Variants in FSTL4 observed in about 807,000 individuals in gnomAD.
The protein encoded by FSTL4 is follistatin like 4.
Under a neutral mutation model 78.2 loss-of-function variants are expected in FSTL4, and 28 were observed. The observed-to-expected ratio is 0.36, with a 90% CI of 0.27 to 0.49. The LOEUF (loss-of-function observed/expected upper bound fraction) is 0.49. Among genes scored for constraint, FSTL4 ranks in the 20% least tolerant of loss-of-function variants. FSTL4 has a pLI of 0.98. For missense variants in FSTL4, 922 were observed against 1,084.9 expected (o/e 0.85, Z 2.11); for synonymous variants, 422 against 440.5 (o/e 0.96, Z 0.53).
the FSTL4 span, among the ~76,000 whole-genome samples, chr5:133,712,928 G>GC: frequency 6.6e-6 from 1 of 152,176 alleles, no homozygotes; most frequent in African/African-American, 2.4e-5. Context: ...TCTCTCCCCT[G>GC]CCACGGGATA....
chr5:133,825,358 CAA>C, the FSTL4 span, among the ~76,000 whole-genome samples: 9 of 152,200 alleles, frequency 5.9e-5, no homozygotes, highest in Non-Finnish European at 1.2e-4. Context: ...GAACTCATTT[CAA>C]AGTGTTTCTC....
chr5:133,467,052 G>C (rs1757726112), intron 3 of FSTL4, among the ~76,000 whole-genome samples: 1 of 151,800 alleles, frequency 6.6e-6, no homozygotes, highest in Non-Finnish European at 1.5e-5. Flanking sequence ...GATTGTATGA[G>C]TATATGTATG....
At chr5:133,709,745 A>G in the FSTL4 span, among the ~76,000 whole-genome samples, 10 of 152,228 alleles carry the variant, frequency 6.6e-5, no homozygotes, top group African/African-American at 2.2e-4. Flanking sequence ...GTAAATATTA[A>G]TAGTTTCCAG....
chr5:133,517,437 A>ATATATATATAT (rs1561453724), intron 3 of FSTL4, among the ~76,000 whole-genome samples: 1 of 32,324 alleles, frequency 3.1e-5, no homozygotes, highest in African/African-American at 1.5e-4. Context: ...AAAAAAAAAA[A>ATATATATATAT]AAAAAAAAAA....
intron 4 of FSTL4, among the ~76,000 whole-genome samples, chr5:133,362,905 T>C (rs1322955745): frequency 6.6e-6 from 1 of 152,222 alleles, no homozygotes; most frequent in Admixed American, 6.5e-5. Flanking sequence ...CATTTTAAAA[T>C]TCATTTTTTT....
At chr5:133,558,046 A>T (rs1376138395) in intron 3 of FSTL4, among the ~76,000 whole-genome samples, 1 of 152,142 alleles carries the variant, frequency 6.6e-6, no homozygotes, top group African/African-American at 2.4e-5. Flanking sequence ...TTGCGGACCC[A>T]ACTGAGAGGT....
chr5:133,788,933 T>C, the FSTL4 span, among the ~76,000 whole-genome samples: 1 of 151,952 alleles, frequency 6.6e-6, no homozygotes, highest in Non-Finnish European at 1.5e-5. Context: ...GAAGAAAAAA[T>C]ACATTACGAC....
intron 14 of FSTL4, among the ~76,000 whole-genome samples, chr5:133,204,492 T>C (rs571603475): frequency 2.0e-5 from 3 of 152,292 alleles, no homozygotes; most frequent in Admixed American, 2.0e-4. Flanking sequence ...TCCATGATTA[T>C]GGCCTTTGGA....
intron 3 of FSTL4, among the ~76,000 whole-genome samples, chr5:133,445,872 C>T (rs1340756996): frequency 6.6e-6 from 1 of 152,164 alleles, no homozygotes; most frequent in Non-Finnish European, 1.5e-5. Context: ...AAACAACTTC[C>T]ATGAAAGGTT....
At chr5:133,279,700 G>A (rs1752968814) in intron 6 of FSTL4, among the ~76,000 whole-genome samples, 2 of 152,308 alleles carry the variant, frequency 1.3e-5, no homozygotes, top group South Asian at 4.1e-4. Flanking sequence ...CATGTGGCAG[G>A]GGCATCCTCC....
chr5:133,215,604 A>G (rs569493596), intron 13 of FSTL4, among the ~76,000 whole-genome samples: 4 of 152,176 alleles, frequency 2.6e-5, no homozygotes, highest in South Asian at 2.1e-4. Context: ...GTAGTGCATT[A>G]GTTTCATATT....
chr5:133,566,318 A>G (rs905568328), intron 3 of FSTL4, among the ~76,000 whole-genome samples: 2 of 152,246 alleles, frequency 1.3e-5, no homozygotes, highest in African/African-American at 4.8e-5. Context: ...GCATAACACA[A>G]GAACTAATCA....
intron 8 of FSTL4, among the ~76,000 whole-genome samples, chr5:133,231,748 G>A (rs1581550861): frequency 6.6e-6 from 1 of 152,068 alleles, no homozygotes; most frequent in East Asian, 1.9e-4. Flanking sequence ...TCACCATGTT[G>A]GCCAGGCTGG....
intron 3 of FSTL4, among the ~76,000 whole-genome samples, chr5:133,457,429 C>T (rs1379098259): frequency 6.6e-6 from 1 of 152,244 alleles, no homozygotes; most frequent in Admixed American, 6.5e-5. Flanking sequence ...TGCATAGACT[C>T]ACCCCTTTCC....
At chr5:133,666,098 G>A in the FSTL4 span, among the ~76,000 whole-genome samples, 1 of 151,556 alleles carries the variant, frequency 6.6e-6, no homozygotes, top group African/African-American at 2.4e-5. Flanking sequence ...AAAAAAAAAA[G>A]GATAATCACC....
At position 133,494,507 on chromosome 5, in the gene FSTL4, G is replaced by A. The variant is rs374494580; in HGVS notation, c.160+72679C>T. Among the ~76,000 whole-genome samples, 26 of 152,292 alleles carry A rather than the reference G, an allele frequency of 1.7e-4. 1 individual carries two copies. The highest frequency in any genetic ancestry group is 6.3e-4 in the African/African-American group (26 of 41,574). ...GACATTAACACAAACGGAGTCCTGCGCTGAAAGCACATTTTCAGGCATTTT... is the reference window on the plus strand; with the variant it reads ...GACATTAACACAAACGGAGTCCTGCACTGAAAGCACATTTTCAGGCATTTT... On this transcript the variant is annotated intron_variant, in intron 3 of 15. Coordinates refer to ENST00000265342, the MANE Select transcript of FSTL4 (RefSeq NM_015082.2).
the FSTL4 span, among the ~76,000 whole-genome samples, chr5:133,690,930 A>G: frequency 2.0e-5 from 3 of 152,214 alleles, no homozygotes; most frequent in Non-Finnish European, 4.4e-5. Context: ...TGGCAGGGGC[A>G]TCTCAGGATT....
At chr5:133,752,910 C>G in the FSTL4 span, among the ~76,000 whole-genome samples, 3 of 152,058 alleles carry the variant, frequency 2.0e-5, no homozygotes, top group African/African-American at 7.2e-5. Flanking sequence ...CTCTGAGCCC[C>G]ACACTTTCTT....
At chr5:133,580,301 C>T (rs1452307537) in intron 2 of FSTL4, among the ~76,000 whole-genome samples, 1 of 152,154 alleles carries the variant, frequency 6.6e-6, no homozygotes, top group Non-Finnish European at 1.5e-5. Context: ...TCCCCAAGAC[C>T]CTCAGCCCCA....
Sources: gnomAD v4.1 joint callset for allele counts (sites outside exome capture counted in the v4.1 genomes callset) on GRCh38, gnomAD v4.1.1 for gene constraint, MANE v1.5 for transcripts, NCBI Gene and HGNC (gene_info 2026-07-23, HGNC 2026-07-21) for gene names.